The following RNF130 variants were observed in gnomAD, a reference collection of about 807,000 sequenced individuals.
The protein encoded by RNF130 is E3 ubiquitin-protein ligase RNF130.
A neutral mutation model predicts 44.6 loss-of-function variants in RNF130; 21 were observed. That is an observed-to-expected ratio of 0.47 (90% CI 0.33 to 0.68). The LOEUF is 0.68. Among genes scored for constraint, RNF130 ranks in the 30% least tolerant of loss-of-function variants. The probability of loss-of-function intolerance (pLI) is 0.02; values close to 1 mark genes in which losing one functional copy is unlikely to be tolerated. For missense variants in RNF130, 479 were observed against 560.6 expected, an observed-to-expected ratio of 0.85 and a Z score of 1.47; for synonymous variants, 214 against 210.4, an observed-to-expected ratio of 1.02 and a Z score of -0.15.
intron 3 of RNF130, among the ~76,000 whole-genome samples, chr5:180,012,207 C>T (rs1763609688): frequency 6.6e-6 from 1 of 152,142 alleles, no homozygotes; most frequent in Non-Finnish European, 1.5e-5. Flanking sequence ...GCTTTTTCCG[C>T]TAGAAAGAGG....
intron 2 of RNF130, 141 bp from the exon 3 acceptor site, chr5:180,013,452 T>C (rs1249944109): frequency 1.2e-5 from 9 of 725,788 alleles, no homozygotes; most frequent in East Asian, 2.7e-5. Flanking sequence ...AACTGAAATG[T>C]AGATGCAGCT....
intron 1 of RNF130, among the ~76,000 whole-genome samples, chr5:180,056,343 T>C (rs1401080791): frequency 2.6e-5 from 4 of 151,790 alleles, no homozygotes; most frequent in African/African-American, 9.7e-5. Context: ...ACAGAGAAAG[T>C]CTGTGTCCTG....
intron 3 of RNF130, among the ~76,000 whole-genome samples, chr5:179,995,424 T>C (rs1192554518): frequency 1.3e-5 from 2 of 152,182 alleles, no homozygotes; most frequent in African/African-American, 4.8e-5. Context: ...TTTCTGGCTG[T>C]GTGGGCCCCT....
At chr5:180,015,478 AGGGAAAGGAGT>A (rs1763696765) in intron 2 of RNF130, 2 of 355,518 alleles carry the variant, frequency 5.6e-6, no homozygotes, top group African/African-American at 5.0e-5. Flanking sequence ...GGAAAGGAGT[AGGGAAAGGAGT>A]AGGAAAGGAG....
intron 8 of RNF130, among the ~76,000 whole-genome samples, chr5:179,962,834 C>T (rs922803599): frequency 6.6e-6 from 1 of 152,128 alleles, no homozygotes; most frequent in African/African-American, 2.4e-5. Flanking sequence ...GCAAACCATC[C>T]CGCCACTAAC....
rs115128588 is a variant in RNF130 at position 180,002,086 on chromosome 5, C to T, written c.693+10975G>A. Among the ~76,000 whole-genome samples the T allele has an allele frequency of 3.2e-3, 486 of 152,318 alleles. 3 individuals carry two copies. Among genetic ancestry groups the T allele is most frequent in the Non-Finnish European group, 4.9e-3 (333 of 68,022 alleles). On this transcript the variant is annotated intron_variant, in intron 3 of 8. Coordinates refer to ENST00000521389, the MANE Select transcript of RNF130 (RefSeq NM_018434.6). Reference sequence around the variant, plus strand: ...GGCCAGGCACCATTTCCCTGTGATGCTGGGAGCTGCTTCAGCTTAGGTACT... The same window carrying T: ...GGCCAGGCACCATTTCCCTGTGATGTTGGGAGCTGCTTCAGCTTAGGTACT...
At chr5:180,002,209 T>A (rs973876347) in intron 3 of RNF130, among the ~76,000 whole-genome samples, 2 of 152,160 alleles carry the variant, frequency 1.3e-5, no homozygotes. Context: ...GCTCTGAGTG[T>A]TCAAGGTACT....
intron 3 of RNF130, among the ~76,000 whole-genome samples, chr5:179,989,138 G>A (rs1478118349): frequency 2.0e-5 from 3 of 152,212 alleles, no homozygotes; most frequent in Non-Finnish European, 2.9e-5. Context: ...GAGAGAATGA[G>A]TGCCAGCAGG....
At chr5:180,001,686 C>T (rs1763347914) in intron 3 of RNF130, among the ~76,000 whole-genome samples, 3 of 152,104 alleles carry the variant, frequency 2.0e-5, no homozygotes. Flanking sequence ...TGGCAGGGCT[C>T]AGCAGTATCT....
At chr5:180,007,118 G>A (rs1763477486) in intron 3 of RNF130, among the ~76,000 whole-genome samples, 1 of 152,138 alleles carries the variant, frequency 6.6e-6, no homozygotes, top group Non-Finnish European at 1.5e-5. Flanking sequence ...CAGTTTGTGG[G>A]GGCCAGGTGT....
At chr5:179,976,043 C>T (rs946693532) in intron 5 of RNF130, among the ~76,000 whole-genome samples, 1 of 152,086 alleles carries the variant, frequency 6.6e-6, no homozygotes, top group Non-Finnish European at 1.5e-5. Context: ...AAAAAGAGGG[C>T]CAGACGTCAG....
In RNF130 at chr5:179,955,621, G is replaced by T; in HGVS notation, c.*33C>A. 6.4e-7 allele frequency: 1 copy of T among 1,567,360 alleles called. No homozygotes were observed. Among genetic ancestry groups the T allele is most frequent in the Non-Finnish European group, 8.6e-7 (1 of 1,156,422 alleles). ...AAAATAGGTTCTTTTTTCCTTCAAG[G>T]CAAAATCAGTCAGAAAGCAGGTTTT... On this transcript the variant is annotated 3_prime_UTR_variant, in exon 9 of 9. Coordinates refer to ENST00000521389, the MANE Select transcript of RNF130 (RefSeq NM_018434.6).
intron 1 of RNF130, among the ~76,000 whole-genome samples, chr5:180,057,500 ACCGTACCACTGCGCTC>A (rs1439588318): frequency 6.6e-6 from 1 of 151,962 alleles, no homozygotes; most frequent in African/African-American, 2.4e-5. Flanking sequence ...TTGAGCCAAG[ACCGTACCACTGCGCTC>A]CAGCCTGGGT....
In RNF130 at chr5:180,055,659, G is replaced by A. The variant is rs561661620; in HGVS notation, c.248-15012C>T. Among the ~76,000 whole-genome samples, 32 of 152,240 alleles carry A rather than the reference G, an allele frequency of 2.1e-4. No individual in the cohort carries two copies. In the Middle Eastern group the frequency reaches 0.01, roughly 49 times the overall value. On this transcript the variant is annotated intron_variant, in intron 1 of 8. Transcript: ENST00000521389. ...CTACTCAGTTACAGGATTTACAGACGAAATGATCCACTTTTTACTAAATTG... is the reference window on the plus strand; with the variant it reads ...CTACTCAGTTACAGGATTTACAGACAAAATGATCCACTTTTTACTAAATTG...
chr5:179,915,137 G>C (rs1426330742), exon 8 of RNF130: 1 of 151,712 alleles, frequency 6.6e-6, no homozygotes, highest in Non-Finnish European at 1.5e-5. Context: ...AGACCAGCCT[G>C]GCCAACGTGG....
At chr5:179,986,386 G>A (rs1762952847) in intron 3 of RNF130, among the ~76,000 whole-genome samples, 1 of 152,210 alleles carries the variant, frequency 6.6e-6, no homozygotes, top group Non-Finnish European at 1.5e-5. Context: ...CTTCTTGGGA[G>A]CATTTCCAGC....
intron 7 of RNF130, among the ~76,000 whole-genome samples, chr5:179,965,677 T>C (rs1050477595): frequency 6.6e-6 from 1 of 152,164 alleles, no homozygotes; most frequent in Non-Finnish European, 1.5e-5. Flanking sequence ...CATGAAATGC[T>C]ATTAAACGAA....
chr5:180,035,919 T>C (rs74719337), intron 2 of RNF130, among the ~76,000 whole-genome samples: 5 of 152,246 alleles, frequency 3.3e-5, no homozygotes, highest in Non-Finnish European at 7.3e-5. Flanking sequence ...CCATTCATTA[T>C]TGTCATACTT....
chr5:179,955,513 A>G lies in RNF130; in HGVS notation c.*141T>C. 1 of 624,330 alleles carries G rather than the reference A, an allele frequency of 1.6e-6. No homozygotes were observed. The highest frequency in any genetic ancestry group is 3.0e-5 in the South Asian group (1 of 33,254). The allele number at this position is 624,330 out of a possible 1,614,324, so 38.7% of individuals were successfully genotyped here. On this transcript the variant is annotated 3_prime_UTR_variant, in exon 9 of 9. Coordinates refer to ENST00000521389, the MANE Select transcript of RNF130 (RefSeq NM_018434.6). ...TTATTATTTATTTCTTTTAATACAA[A>G]GCTTTGGCATTAGCAATTTTATGAA...
Sources: gnomAD v4.1 joint callset for allele counts (sites outside exome capture counted in the v4.1 genomes callset) on GRCh38, gnomAD v4.1.1 for gene constraint, MANE v1.5 for transcripts, NCBI Gene and HGNC (gene_info 2026-07-23, HGNC 2026-07-21) for gene names.